Variants in MAPK10 observed in about 807,000 individuals in gnomAD.
The protein encoded by MAPK10 is JNK3 alpha protein kinase.
A neutral mutation model predicts 59.3 loss-of-function variants in MAPK10; 25 were observed. The observed-to-expected ratio is 0.42, with a 90% confidence interval of 0.31 to 0.59. The LOEUF is 0.59. MAPK10 is among the 20% of genes least tolerant of loss of function. The pLI is 0.15. For missense variants in MAPK10, 351 were observed against 568.9 expected (o/e 0.62, Z 3.90); for synonymous variants, 190 against 200.5 (o/e 0.95, Z 0.44).
At chr4:86,060,743 G>A (rs1042400051) in intron 11 of MAPK10, among the ~76,000 whole-genome samples, 13 of 151,950 alleles carry the variant, frequency 8.6e-5, no homozygotes, top group African/African-American at 2.4e-4. Flanking sequence ...TTAAACTAAT[G>A]ACACTAGATT....
intron 4 of MAPK10, among the ~76,000 whole-genome samples, chr4:86,113,116 CAG>C (rs1306114903): frequency 1.3e-5 from 2 of 152,050 alleles, no homozygotes; most frequent in African/African-American, 2.4e-5. Flanking sequence ...TGTCTGTGCA[CAG>C]AGATTGGCCT....
At chr4:86,149,503 G>T (rs562191265) in intron 4 of MAPK10, among the ~76,000 whole-genome samples, 20 of 152,242 alleles carry the variant, frequency 1.3e-4, no homozygotes, top group African/African-American at 4.8e-4. Flanking sequence ...CCGACCTCAG[G>T]TGATACACCC....
chr4:86,118,242 A>C (rs1357637017), intron 4 of MAPK10, among the ~76,000 whole-genome samples: 2 of 152,126 alleles, frequency 1.3e-5, no homozygotes, highest in African/African-American at 4.8e-5. Flanking sequence ...TCATGTCTGA[A>C]AGTTTTCTAT....
At chr4:86,167,191 C>T (rs1317177006) in intron 3 of MAPK10, among the ~76,000 whole-genome samples, 1 of 152,102 alleles carries the variant, frequency 6.6e-6, no homozygotes, top group Non-Finnish European at 1.5e-5. Context: ...CTTGAATAGA[C>T]CAATACCAAG....
intron 2 of MAPK10, among the ~76,000 whole-genome samples, chr4:86,249,657 T>C (rs2086184809): frequency 6.6e-6 from 1 of 152,160 alleles, no homozygotes; most frequent in Non-Finnish European, 1.5e-5. Context: ...ACAGTAATGA[T>C]CAGTACATGG....
Position 86,067,939 on chromosome 4 carries a change from A to T in MAPK10, c.819T>A (p.Asn273Lys). Reference protein sequence around the residue: ...FPGRDYIDQWNKVIEQLGTPC... With the variant: ...FPGRDYIDQWKKVIEQLGTPC... Reference sequence around the variant, plus strand: ...GTGTTCCTAGTTGTTCAATTACCTTATTCCACTGGTCAATATCTGAGAATT... The same window carrying T: ...GTGTTCCTAGTTGTTCAATTACCTTTTTCCACTGGTCAATATCTGAGAATT... The change falls in exon 10 of 14, where the codon AAT (asparagine) becomes AAA (lysine). Residue 273 changes from asparagine (N) to lysine (K), a missense_variant. Asn to Lys is a moderately conservative substitution (Grantham distance 94). Transcript: ENST00000641462. 1 of 1,610,576 alleles carries T rather than the reference A, an allele frequency of 6.2e-7. No homozygotes were observed. Among genetic ancestry groups the T allele is most frequent in the Non-Finnish European group, 8.5e-7 (1 of 1,178,052 alleles).
In MAPK10 at chr4:86,314,780, C is replaced by T. The variant is rs1578119625; in HGVS notation, c.-7+39750G>A. On this transcript the variant is annotated intron_variant, in intron 2 of 13. Transcript: ENST00000641462. ...TACAACATAAAAAGTTACAAATCAACCATAATACCATCTAGAGTGATAAGG... is the reference window on the plus strand; with the variant it reads ...TACAACATAAAAAGTTACAAATCAATCATAATACCATCTAGAGTGATAAGG... Among the ~76,000 whole-genome samples the T allele has an allele frequency of 3.3e-5, 5 of 152,090 alleles. No homozygotes were observed. The East Asian group carries it at 9.7e-4, about 29-fold the overall frequency.
chr4:86,539,112 A>G (rs568592591), intron 1 of MAPK10, among the ~76,000 whole-genome samples: 82 of 152,322 alleles, frequency 5.4e-4, no homozygotes, highest in Admixed American at 8.5e-4. Flanking sequence ...CCTCTTGGAA[A>G]AGAATATATT....
intron 1 of MAPK10, among the ~76,000 whole-genome samples, chr4:86,385,101 A>G (rs1741296519): frequency 6.6e-6 from 1 of 152,102 alleles, no homozygotes; most frequent in African/African-American, 2.4e-5. Context: ...ACTTTTTTTC[A>G]TACTTTGCCC....
At chr4:86,365,398 C>A (rs979315809) in intron 1 of MAPK10, among the ~76,000 whole-genome samples, 2 of 127,720 alleles carry the variant, frequency 1.6e-5, no homozygotes, top group African/African-American at 5.8e-5. Flanking sequence ...CACCATTGCG[C>A]TCCAGCCTGG....
intron 1 of MAPK10, among the ~76,000 whole-genome samples, chr4:86,552,426 G>GAGGAAGGAAGGA (rs1354327822): frequency 5.1e-4 from 55 of 106,998 alleles, no homozygotes; most frequent in African/African-American, 2.1e-3. Context: ...GTCTCAAAGA[G>GAGGAAGGAAGGA]AGGAAGGAAG....
intron 1 of MAPK10, chr4:86,358,169 T>C: frequency 9.2e-6 from 9 of 982,664 alleles, no homozygotes; most frequent in Non-Finnish European, 8.5e-6. Context: ...GATATACTTA[T>C]ATATTTATTT....
chr4:86,077,340 G>A (rs549789903), intron 9 of MAPK10, among the ~76,000 whole-genome samples: 1 of 152,114 alleles, frequency 6.6e-6, no homozygotes, highest in South Asian at 2.1e-4. Context: ...CTTTGTTAGG[G>A]AACTTTCTAA....
chr4:86,184,641 G>T (rs1283229460), intron 3 of MAPK10, among the ~76,000 whole-genome samples: 1 of 152,100 alleles, frequency 6.6e-6, no homozygotes, highest in Non-Finnish European at 1.5e-5. Flanking sequence ...TCACTACAGT[G>T]AGTGAGTTCT....
At chr4:86,270,278 C>A (rs1466862209) in intron 2 of MAPK10, among the ~76,000 whole-genome samples, 2 of 151,766 alleles carry the variant, frequency 1.3e-5, no homozygotes, top group African/African-American at 4.8e-5. Context: ...TAAGACTCAA[C>A]ATTTTAGTAT....
At chr4:86,056,498 A>G (rs1263879553) in intron 11 of MAPK10, among the ~76,000 whole-genome samples, 1 of 150,148 alleles carries the variant, frequency 6.7e-6, no homozygotes, top group Non-Finnish European at 1.5e-5. Flanking sequence ...ATTCAAGAGA[A>G]TTCAGTAAAA....
chr4:86,273,714 T>C (rs1272148297), intron 2 of MAPK10, among the ~76,000 whole-genome samples: 1 of 152,050 alleles, frequency 6.6e-6, no homozygotes, highest in Non-Finnish European at 1.5e-5. Context: ...CCCTCCCTCA[T>C]ACTCCTTTCT....
chr4:86,307,559 T>C lies in MAPK10; in HGVS notation c.-7+46971A>G, dbSNP rs79779452. Among the ~76,000 whole-genome samples the C allele has an allele frequency of 5.5e-3, 844 of 152,194 alleles. 8 individuals carry two copies. The highest frequency in any genetic ancestry group is 0.019 in the African/African-American group (804 of 41,518). ...GAGTTAGTGGTGTGAGACAGACATA[T>C]GCAGGCAAATAAGATTTTAAAAGGT... On this transcript the variant is annotated intron_variant, in intron 2 of 13. Coordinates refer to ENST00000641462, the MANE Select transcript of MAPK10 (RefSeq NM_138982.4).
At chr4:86,207,766 C>T (rs1273674002) in intron 2 of MAPK10, among the ~76,000 whole-genome samples, 1 of 151,954 alleles carries the variant, frequency 6.6e-6, no homozygotes, top group East Asian at 1.9e-4. Flanking sequence ...CCTTCATGTC[C>T]CTTGTAAGTT....
Sources: allele counts gnomAD v4.1 joint callset (sites outside exome capture counted in the v4.1 genomes callset), GRCh38; gene constraint gnomAD v4.1.1; transcripts MANE v1.5; gene names NCBI Gene and HGNC (gene_info 2026-07-23, HGNC 2026-07-21).